ERBB4: variants seen among roughly 807,000 people sequenced by gnomAD.
The protein encoded by ERBB4 is erb-b2 receptor tyrosine kinase 4, also known as receptor tyrosine-protein kinase erbB-4.
A neutral mutation model predicts 158.0 loss-of-function variants in ERBB4; 42 were observed. That is an observed-to-expected ratio of 0.27 (90% CI 0.21 to 0.34). ERBB4 has a LOEUF of 0.34. Ranked by LOEUF, ERBB4 falls within the 10% of genes least tolerant of loss-of-function variation. The pLI is 1.00. For missense variants in ERBB4, 1,333 were observed against 1,624.1 expected, an observed-to-expected ratio of 0.82 and a Z score of 3.08; for synonymous variants, 583 against 558.7, an observed-to-expected ratio of 1.04 and a Z score of -0.61.
At chr2:212,483,822 C>A (rs536508105) in intron 1 of ERBB4, among the ~76,000 whole-genome samples, 1 of 152,246 alleles carries the variant, frequency 6.6e-6, no homozygotes, top group East Asian at 1.9e-4. Flanking sequence ...CTGCAAGCTC[C>A]GCCTTCAGGG....
At position 211,811,844 on chromosome 2, in the gene ERBB4, G is replaced by A. The variant is rs543318392; in HGVS notation, c.422-23685C>T. Among the ~76,000 whole-genome samples, 86 of 151,944 alleles carry A rather than the reference G, an allele frequency of 5.7e-4. No individual in the cohort carries two copies. The Middle Eastern group carries it at 0.01, about 18-fold the overall frequency. The stretch of plus-strand genomic sequence containing the variant: ...CTTGTGCATGCGTCATGTAGTTCTC[G>A]TGCCATGGTTTTCAGCTCCATCAGG... On this transcript the variant is annotated intron_variant, in intron 3 of 27. Transcript: ENST00000342788.
At chr2:211,787,017 C>T (rs1446876067) in intron 4 of ERBB4, among the ~76,000 whole-genome samples, 6 of 152,136 alleles carry the variant, frequency 3.9e-5, no homozygotes, top group Non-Finnish European at 8.8e-5. Context: ...ATTAAAAACA[C>T]AGCTGTCAGT....
chr2:211,421,832 G>A (rs1036542321), intron 24 of ERBB4, among the ~76,000 whole-genome samples, 175 bp downstream of exon 24: 3 of 151,884 alleles, frequency 2.0e-5, no homozygotes, highest in South Asian at 2.1e-4. Context: ...GTGCTAAAAG[G>A]TGGATCTGAC....
chr2:211,515,172 G>A (rs563266679), intron 20 of ERBB4, among the ~76,000 whole-genome samples: 2 of 152,158 alleles, frequency 1.3e-5, no homozygotes, highest in South Asian at 4.1e-4. Context: ...CTCAAGACCT[G>A]GAAATTGGAT....
At chr2:212,516,865 T>G (rs1179124826) in intron 1 of ERBB4, among the ~76,000 whole-genome samples, 2 of 152,136 alleles carry the variant, frequency 1.3e-5, no homozygotes, top group East Asian at 3.8e-4. Flanking sequence ...ATGCAAGGCC[T>G]GTGAGGTATT....
At chr2:211,539,847 G>T (rs1219002843) in intron 20 of ERBB4, among the ~76,000 whole-genome samples, 1 of 151,896 alleles carries the variant, frequency 6.6e-6, no homozygotes, top group Non-Finnish European at 1.5e-5. Context: ...TCTTTCTTAT[G>T]CTGAAAACTT....
chr2:211,413,441 T>C (rs2063313093), intron 25 of ERBB4, among the ~76,000 whole-genome samples: 1 of 151,164 alleles, frequency 6.6e-6, no homozygotes, highest in Admixed American at 6.6e-5. Flanking sequence ...TTTGTCTTAA[T>C]AAAAACAAAC....
intron 20 of ERBB4, among the ~76,000 whole-genome samples, chr2:211,493,056 G>A (rs77371432): frequency 0.074 from 11,308 of 152,104 alleles, 528 homozygotes; most frequent in Middle Eastern, 0.13. Flanking sequence ...TTGGCCCAGA[G>A]AGATGGAGTC....
chr2:212,075,491 T>C (rs2078247375), intron 2 of ERBB4, among the ~76,000 whole-genome samples: 1 of 151,974 alleles, frequency 6.6e-6, no homozygotes, highest in Non-Finnish European at 1.5e-5. Flanking sequence ...GTAAACTGCA[T>C]ATTAGCCTTC....
At chr2:211,770,022 G>A (rs1466978687) in intron 4 of ERBB4, among the ~76,000 whole-genome samples, 2 of 152,190 alleles carry the variant, frequency 1.3e-5, no homozygotes, top group Admixed American at 6.5e-5. Flanking sequence ...TCACAGATGA[G>A]TGTTTTACTT....
At chr2:211,592,640 G>A (rs1255385303) in intron 19 of ERBB4, among the ~76,000 whole-genome samples, 1 of 152,048 alleles carries the variant, frequency 6.6e-6, no homozygotes, top group African/African-American at 2.4e-5. Flanking sequence ...GAAAGAAAGG[G>A]GAATCTCCCT....
intron 3 of ERBB4, among the ~76,000 whole-genome samples, chr2:211,856,570 G>A (rs1248380031): frequency 6.6e-6 from 1 of 151,446 alleles, no homozygotes; most frequent in Non-Finnish European, 1.5e-5. Flanking sequence ...TTTATTTTCA[G>A]TAGAGACGGG....
intron 1 of ERBB4, among the ~76,000 whole-genome samples, chr2:212,500,079 A>G (rs1342894024): frequency 2.0e-5 from 3 of 152,142 alleles, no homozygotes; most frequent in African/African-American, 4.8e-5. Context: ...CATAGAAACG[A>G]TAAAGTGTAG....
intron 4 of ERBB4, among the ~76,000 whole-genome samples, chr2:211,782,774 A>T (rs1014446258): frequency 6.6e-6 from 1 of 152,164 alleles, no homozygotes; most frequent in Non-Finnish European, 1.5e-5. Flanking sequence ...GGGTTACTGT[A>T]GCCTTGTAGT....
intron 16 of ERBB4, among the ~76,000 whole-genome samples, chr2:211,653,393 C>T (rs1362771965): frequency 2.6e-5 from 4 of 151,980 alleles, no homozygotes; most frequent in Non-Finnish European, 4.4e-5. Flanking sequence ...GAAAGAATAA[C>T]ATTGCTTAGA....
chr2:211,766,827 C>T (rs552815086), intron 4 of ERBB4, among the ~76,000 whole-genome samples: 9 of 152,138 alleles, frequency 5.9e-5, no homozygotes, highest in Non-Finnish European at 1.3e-4. Flanking sequence ...ACACCCCACT[C>T]CCCCATTTCT....
intron 1 of ERBB4, among the ~76,000 whole-genome samples, chr2:212,210,167 T>G (rs1340685854): frequency 7.4e-6 from 1 of 134,920 alleles, no homozygotes; most frequent in Non-Finnish European, 1.6e-5. Flanking sequence ...GAAATGAAAG[T>G]AGGAAGTTAA....
At chr2:212,057,148 G>A (rs2125410555) in intron 2 of ERBB4, among the ~76,000 whole-genome samples, 1 of 152,278 alleles carries the variant, frequency 6.6e-6, no homozygotes, top group East Asian at 1.9e-4. Context: ...TGATAAAACA[G>A]ACTTTAAACC....
At chr2:211,512,424 C>A (rs2065904609) in intron 20 of ERBB4, among the ~76,000 whole-genome samples, 1 of 145,456 alleles carries the variant, frequency 6.9e-6, no homozygotes, top group Non-Finnish European at 1.5e-5. Context: ...GTTTATTATT[C>A]CAAAGAACAA....
Sources: allele counts gnomAD v4.1 joint callset (sites outside exome capture counted in the v4.1 genomes callset), GRCh38; gene constraint gnomAD v4.1.1; transcripts MANE v1.5; gene names NCBI Gene and HGNC (gene_info 2026-07-23, HGNC 2026-07-21).